ZCCHC7: variants seen among roughly 807,000 people sequenced by gnomAD.
The protein encoded by ZCCHC7 is zinc finger CCHC-type containing 7.
Under a neutral mutation model 52.0 loss-of-function variants are expected in ZCCHC7, and 35 were observed. That is an observed-to-expected ratio of 0.67 (90% CI 0.51 to 0.89). ZCCHC7 has a LOEUF of 0.89. ZCCHC7 is among the 40% of genes least tolerant of loss of function. The pLI is 0.00. For synonymous variants in ZCCHC7, 217 were observed against 221.5 expected, an observed-to-expected ratio of 0.98 and a Z score of 0.18; for missense variants, 574 against 649.1, an observed-to-expected ratio of 0.88 and a Z score of 1.26.
Position 37,357,943 on chromosome 9 carries a change from A to C in ZCCHC7, c.*675A>C, listed in dbSNP as rs1158607945. On this transcript the variant is annotated 3_prime_UTR_variant, in exon 9 of 9. Transcript: ENST00000336755. The stretch of plus-strand genomic sequence containing the variant: ...CAAAAATTTTAACATAATCACAATG[A>C]AATCATTTTTTACCACTTTTACAGC... 6.6e-6 allele frequency: 1 copy of C among 152,128 alleles called. No homozygotes were observed. Among genetic ancestry groups the C allele is most frequent in the African/African-American group, 2.4e-5 (1 of 41,422 alleles). The allele number at this position is 152,128 out of a possible 1,614,324, so 9.4% of individuals were successfully genotyped here.
At chr9:37,122,015 A>G (rs1055813616) in intron 1 of ZCCHC7, among the ~76,000 whole-genome samples, 3 of 152,258 alleles carry the variant, frequency 2.0e-5, no homozygotes, top group South Asian at 4.1e-4. Context: ...CTTTGAAAGT[A>G]AAGTGTATTC....
intron 2 of ZCCHC7, among the ~76,000 whole-genome samples, chr9:37,283,924 G>A (rs1828088405): frequency 1.3e-5 from 2 of 152,106 alleles, no homozygotes; most frequent in South Asian, 4.1e-4. Flanking sequence ...CTGTGGCTGA[G>A]CTGCTTATTT....
At chr9:37,294,992 A>C (rs187762265) in intron 2 of ZCCHC7, among the ~76,000 whole-genome samples, 2 of 152,352 alleles carry the variant, frequency 1.3e-5, no homozygotes, top group East Asian at 3.9e-4. Context: ...TTAATTAATT[A>C]ATTCAGTAAA....
intron 1 of ZCCHC7, among the ~76,000 whole-genome samples, chr9:37,122,937 A>G (rs892329472): frequency 2.0e-5 from 3 of 152,258 alleles, no homozygotes; most frequent in Non-Finnish European, 4.4e-5. Flanking sequence ...ACTCCGTCTC[A>G]AGGGGGAAAA....
intron 2 of ZCCHC7, among the ~76,000 whole-genome samples, chr9:37,133,947 C>T (rs148754843): frequency 0.014 from 2,081 of 152,288 alleles, 49 homozygotes; most frequent in African/African-American, 0.048. Flanking sequence ...TGGTCTTGAA[C>T]TCCTGGCCTC....
At chr9:37,307,220 T>C (rs1829370249) in intron 5 of ZCCHC7, among the ~76,000 whole-genome samples, 1 of 152,202 alleles carries the variant, frequency 6.6e-6, no homozygotes, top group Non-Finnish European at 1.5e-5. Context: ...TAAATGTATA[T>C]GGAGTTTAGT....
At chr9:37,161,740 T>A (rs1821120301) in intron 2 of ZCCHC7, among the ~76,000 whole-genome samples, 1 of 152,228 alleles carries the variant, frequency 6.6e-6, no homozygotes, top group African/African-American at 2.4e-5. Flanking sequence ...CGGAATATTA[T>A]AAGCTCAGAT....
At chr9:37,183,384 G>T (rs1169089905) in intron 2 of ZCCHC7, among the ~76,000 whole-genome samples, 2 of 152,160 alleles carry the variant, frequency 1.3e-5, no homozygotes. Flanking sequence ...ATACAGAATT[G>T]TGTGCTTTAT....
At chr9:37,256,946 C>G (rs1444490832) in intron 2 of ZCCHC7, among the ~76,000 whole-genome samples, 1 of 151,950 alleles carries the variant, frequency 6.6e-6, no homozygotes, top group Non-Finnish European at 1.5e-5. Flanking sequence ...TTTTTCAACC[C>G]TCATAGATTC....
At chr9:37,263,990 A>G (rs1826982017) in intron 2 of ZCCHC7, among the ~76,000 whole-genome samples, 1 of 152,228 alleles carries the variant, frequency 6.6e-6, no homozygotes, top group South Asian at 2.1e-4. Flanking sequence ...GAACTTGGTG[A>G]TCATGGATAA....
Position 37,323,439 on chromosome 9 carries a change from C to T in ZCCHC7, c.952-4360C>T, listed in dbSNP as rs118148461. On this transcript the variant is annotated intron_variant, in intron 5 of 8. Coordinates refer to ENST00000336755, the MANE Select transcript of ZCCHC7 (RefSeq NM_032226.3). ...AGTATAGGAATTGATTAAAATTTGA[C>T]CTTGGGTGGAAAGATGATTTTATGA... 8.3e-4 allele frequency among the ~76,000 whole-genome samples: 126 copies of T among 152,178 alleles called. 1 individual carries two copies. The East Asian group carries it at 0.021, about 26-fold the overall frequency.
chr9:37,308,285 G>T (rs1387859836), intron 5 of ZCCHC7, among the ~76,000 whole-genome samples: 1 of 151,276 alleles, frequency 6.6e-6, no homozygotes, highest in African/African-American at 2.4e-5. Flanking sequence ...GCATTAAGTT[G>T]TCAATTATAA....
intron 2 of ZCCHC7, among the ~76,000 whole-genome samples, chr9:37,144,200 A>T (rs1843342043): frequency 6.6e-6 from 1 of 151,910 alleles, no homozygotes. Context: ...TTAAGAAAAT[A>T]TACTTAATTT....
At chr9:37,310,395 G>T (rs994772827) in intron 5 of ZCCHC7, among the ~76,000 whole-genome samples, 2 of 152,164 alleles carry the variant, frequency 1.3e-5, no homozygotes, top group East Asian at 3.9e-4. Context: ...ACATTTCCAA[G>T]ATAACAACAG....
intron 2 of ZCCHC7, among the ~76,000 whole-genome samples, chr9:37,234,233 A>T (rs965213890): frequency 1.3e-5 from 2 of 152,114 alleles, no homozygotes; most frequent in African/African-American, 2.4e-5. Flanking sequence ...ATCATTCTAG[A>T]TCTATTCTAG....
At chr9:37,238,608 C>T (rs1405576613) in intron 2 of ZCCHC7, among the ~76,000 whole-genome samples, 1 of 151,570 alleles carries the variant, frequency 6.6e-6, no homozygotes, top group African/African-American at 2.4e-5. Context: ...TAAAAAATGG[C>T]CTTTATTGAA....
chr9:37,269,618 CAAAAAAAAAAAAAAAAA>C (rs1170865355), intron 2 of ZCCHC7, among the ~76,000 whole-genome samples: 1 of 27,238 alleles, frequency 3.7e-5, no homozygotes, highest in African/African-American at 8.9e-5. Context: ...GACTCTGTCT[CAAAAAAAAAAAAAAAAA>C]AAAAAAAAAA....
At chr9:37,268,530 C>T (rs2133484666) in intron 2 of ZCCHC7, among the ~76,000 whole-genome samples, 1 of 152,054 alleles carries the variant, frequency 6.6e-6, no homozygotes, top group African/African-American at 2.4e-5. Flanking sequence ...AAGTTCACAC[C>T]ATTCTCCTGC....
chr9:37,129,740 A>G (rs1053043833), intron 2 of ZCCHC7, among the ~76,000 whole-genome samples: 16 of 152,258 alleles, frequency 1.1e-4, no homozygotes, highest in Non-Finnish European at 1.0e-4. Context: ...GCAGTATGAC[A>G]TAAAAGAAAA....
Sources: gnomAD v4.1 joint callset for allele counts (sites outside exome capture counted in the v4.1 genomes callset) on GRCh38, gnomAD v4.1.1 for gene constraint, MANE v1.5 for transcripts, NCBI Gene and HGNC (gene_info 2026-07-23, HGNC 2026-07-21) for gene names.